GPD2: variants seen among roughly 807,000 people sequenced by gnomAD.
The protein encoded by GPD2 is glycerol-3-phosphate dehydrogenase, mitochondrial.
In GPD2, 54 loss-of-function variants were observed where a neutral mutation model predicts 82.4. That is an observed-to-expected ratio of 0.66 (90% confidence interval 0.53 to 0.82). GPD2 has a LOEUF of 0.82. Among genes scored for constraint, GPD2 ranks in the 40% least tolerant of loss-of-function variants. The probability of loss-of-function intolerance (pLI) is 0.00; values close to 1 mark genes in which losing one functional copy is unlikely to be tolerated. For synonymous variants in GPD2, 288 were observed against 306.1 expected, an observed-to-expected ratio of 0.94 and a Z score of 0.62; for missense variants, 748 against 896.2, an observed-to-expected ratio of 0.83 and a Z score of 2.11.
chr2:156,456,088 T>C (rs968704362), intron 1 of GPD2, among the ~76,000 whole-genome samples: 1 of 152,260 alleles, frequency 6.6e-6, no homozygotes, highest in East Asian at 1.9e-4. Flanking sequence ...GAGTGACTTT[T>C]ACTGCTTGAT....
At chr2:156,507,344 T>C (rs1039841219) in intron 3 of GPD2, among the ~76,000 whole-genome samples, 1 of 148,578 alleles carries the variant, frequency 6.7e-6, no homozygotes, top group African/African-American at 2.5e-5. Flanking sequence ...TTTTTTGAGA[T>C]AGGGTCTCAT....
rs1308235862 is a variant in GPD2, at chr2:156,584,190, T to C, written c.*1272T>C. The C allele has an allele frequency of 6.6e-6, 1 of 152,034 alleles. No homozygotes were observed. Among genetic ancestry groups the C allele is most frequent in the Non-Finnish European group, 1.5e-5 (1 of 67,950 alleles). The allele number at this position is 152,034 out of a possible 1,614,324, so 9.4% of individuals were successfully genotyped here. On this transcript the variant is annotated 3_prime_UTR_variant, in exon 17 of 17. Transcript: ENST00000438166. ...TAACAAGTAATGCAGTTTGGGATGC[T>C]TTTGCTACATTTTGGTGGCATTTTA...
At chr2:156,504,154 A>G (rs1343438304) in intron 3 of GPD2, among the ~76,000 whole-genome samples, 1 of 152,146 alleles carries the variant, frequency 6.6e-6, no homozygotes, top group Non-Finnish European at 1.5e-5. Context: ...ATATATTTAT[A>G]TAAAATGCTA....
At chr2:156,495,946 T>A in intron 2 of GPD2, 98 bp from the exon 3 acceptor site, 1 of 878,504 alleles carries the variant, frequency 1.1e-6, no homozygotes, top group Non-Finnish European at 1.9e-6. Context: ...AGCTCTTATA[T>A]TCCTTATTTC....
chr2:156,412,184 A>T, the GPD2 span, among the ~76,000 whole-genome samples: 1 of 152,192 alleles, frequency 6.6e-6, no homozygotes, highest in South Asian at 2.1e-4. Flanking sequence ...ACCTGTAATC[A>T]CAGCACTTTG....
chr2:156,579,222 T>C, intron 15 of GPD2, 58 bp downstream of exon 15: 1 of 990,786 alleles, frequency 1.0e-6, no homozygotes, highest in South Asian at 1.3e-5. Flanking sequence ...AAATATTAGA[T>C]GTTTTTCTCA....
At chr2:156,575,574 T>TA (rs932627358) in intron 13 of GPD2, among the ~76,000 whole-genome samples, 1 of 151,792 alleles carries the variant, frequency 6.6e-6, no homozygotes, top group African/African-American at 2.4e-5. Flanking sequence ...AGCTAGTTTT[T>TA]AAAATTTTTT....
Position 156,582,827 on chromosome 2 carries a change from G to C in GPD2, c.2093G>C (p.Gly698Ala), listed in dbSNP as rs752711387. The change falls in exon 17 of 17, where the codon GGA becomes GCA. Residue 698 changes from glycine to alanine, a missense_variant. Physicochemically the swap from Gly to Ala is moderately conservative, Grantham distance 60 (BLOSUM62 0). Transcript: ENST00000438166. ...MSAIQKGRVS[G>A]SRLAILMKTA... Reference sequence around the variant, plus strand: ...GCTATTCAAAAAGGAAGGGTATCTGGAAGCCGGCTTGCTATACTAATGAAA... The same window carrying C: ...GCTATTCAAAAAGGAAGGGTATCTGCAAGCCGGCTTGCTATACTAATGAAA... 5.6e-6 allele frequency: 9 copies of C among 1,612,958 alleles called. No homozygotes were observed. Among genetic ancestry groups the C allele is most frequent in the Non-Finnish European group, 7.6e-6 (9 of 1,179,238 alleles).
At chr2:156,442,846 G>T (rs1212448977) in intron 1 of GPD2, among the ~76,000 whole-genome samples, 2 of 152,046 alleles carry the variant, frequency 1.3e-5, no homozygotes, top group African/African-American at 4.8e-5. Context: ...AGGATGTTTT[G>T]TTTCATTGTG....
At chr2:156,552,016 C>G (rs1457939907) in intron 8 of GPD2, among the ~76,000 whole-genome samples, 1 of 152,172 alleles carries the variant, frequency 6.6e-6, no homozygotes, top group Non-Finnish European at 1.5e-5. Flanking sequence ...AGAATGCTAT[C>G]CTGCTATGCT....
intron 1 of GPD2, among the ~76,000 whole-genome samples, chr2:156,457,670 A>G (rs1682832999): frequency 6.6e-6 from 1 of 152,226 alleles, no homozygotes; most frequent in African/African-American, 2.4e-5. Context: ...TTGGTTGTTC[A>G]GAACAAAGTG....
chr2:156,529,007 C>T (rs992428037), intron 6 of GPD2, among the ~76,000 whole-genome samples: 7 of 151,446 alleles, frequency 4.6e-5, no homozygotes, highest in African/African-American at 1.2e-4. Flanking sequence ...CCTGAGGAAT[C>T]GCCACACTGA....
At chr2:156,451,770 A>G (rs1427474509) in intron 1 of GPD2, among the ~76,000 whole-genome samples, 8 of 144,840 alleles carry the variant, frequency 5.5e-5, no homozygotes, top group Non-Finnish European at 9.1e-5. Flanking sequence ...CCTCCCAGAC[A>G]GGGTGGCTGC....
chr2:156,461,270 C>G (rs1682978813), intron 1 of GPD2, among the ~76,000 whole-genome samples: 1 of 148,314 alleles, frequency 6.7e-6, no homozygotes, highest in South Asian at 2.1e-4. Flanking sequence ...CCAGGCTCTA[C>G]TTTTACTCTT....
At position 156,467,660 on chromosome 2, in the gene GPD2, G is replaced by A. The variant is rs187791717; in HGVS notation, c.-8-8438G>A. Among the ~76,000 whole-genome samples the A allele has an allele frequency of 3.9e-5, 6 of 152,316 alleles. No homozygotes were observed. The South Asian group carries it at 6.2e-4, about 16-fold the overall frequency. On this transcript the variant is annotated intron_variant, in intron 1 of 16. Transcript: ENST00000438166. ...ACATTCACTTCTTTCCATAGGGATT[G>A]TCTTTTGTGAAGAACCCTTGGGTCA...
intron 1 of GPD2, among the ~76,000 whole-genome samples, chr2:156,470,309 C>T (rs192605504): frequency 1.3e-5 from 2 of 152,086 alleles, no homozygotes; most frequent in Admixed American, 1.3e-4. Flanking sequence ...ATTCCTCCCA[C>T]TTTGGCCTCT....
chr2:156,510,488 T>G (rs1348821740), intron 3 of GPD2, among the ~76,000 whole-genome samples: 1 of 152,202 alleles, frequency 6.6e-6, no homozygotes, highest in East Asian at 1.9e-4. Context: ...TAGAGTTGGG[T>G]GCTAGTCTCT....
At chr2:156,571,430 T>C (rs1687637535) in intron 13 of GPD2, 138 bp downstream of exon 13, 3 of 486,786 alleles carry the variant, frequency 6.2e-6, no homozygotes, top group Middle Eastern at 5.4e-4. Flanking sequence ...TTTAATATTG[T>C]TAGGCCTTAG....
At chr2:156,532,448 C>T (rs1685904094) in intron 6 of GPD2, among the ~76,000 whole-genome samples, 1 of 152,120 alleles carries the variant, frequency 6.6e-6, no homozygotes, top group Non-Finnish European at 1.5e-5. Flanking sequence ...TCTCTTCTCC[C>T]CATGTGCTCC....
Sources: gnomAD v4.1 joint callset for allele counts (sites outside exome capture counted in the v4.1 genomes callset) on GRCh38, gnomAD v4.1.1 for gene constraint, MANE v1.5 for transcripts, NCBI Gene and HGNC (gene_info 2026-07-23, HGNC 2026-07-21) for gene names.